RBM47: variants seen among roughly 807,000 people sequenced by gnomAD.
The protein encoded by RBM47 is RNA binding motif protein 47, also known as RNA-binding protein 47.
A neutral mutation model predicts 47.1 loss-of-function variants in RBM47; 21 were observed. The observed-to-expected ratio is 0.45, with a 90% CI of 0.32 to 0.64. The LOEUF (loss-of-function observed/expected upper bound fraction) is 0.64. RBM47 is among the 30% of genes least tolerant of loss of function. The pLI is 0.05. For synonymous variants in RBM47, 375 were observed against 361.7 expected (o/e 1.04, Z -0.42); for missense variants, 708 against 870.9 (o/e 0.81, Z 2.35).
At chr4:40,622,504 A>C (rs1272952388) in intron 1 of RBM47, among the ~76,000 whole-genome samples, 1 of 152,208 alleles carries the variant, frequency 6.6e-6, no homozygotes, top group Non-Finnish European at 1.5e-5. Context: ...CTAGAAATAA[A>C]GTCATTCACT....
At chr4:40,477,136 T>C (rs760862198) in intron 2 of RBM47, among the ~76,000 whole-genome samples, 11 of 151,862 alleles carry the variant, frequency 7.2e-5, no homozygotes, top group Admixed American at 6.6e-5. Context: ...TGAGCCAAGA[T>C]GGCGCCACTG....
chr4:40,465,225 A>G (rs1717832160), intron 3 of RBM47, among the ~76,000 whole-genome samples: 1 of 152,078 alleles, frequency 6.6e-6, no homozygotes, highest in Non-Finnish European at 1.5e-5. Flanking sequence ...TGACACACCA[A>G]TATCTACTGC....
chr4:40,610,794 C>T (rs758777296), intron 1 of RBM47, among the ~76,000 whole-genome samples: 12 of 151,950 alleles, frequency 7.9e-5, no homozygotes, highest in Non-Finnish European at 1.5e-4. Context: ...AGACTATTCT[C>T]GTGATAGTGA....
chr4:40,619,737 G>T (rs1374860897), intron 1 of RBM47, among the ~76,000 whole-genome samples: 1 of 152,140 alleles, frequency 6.6e-6, no homozygotes, highest in Admixed American at 6.5e-5. Flanking sequence ...TCACCTATGG[G>T]ATTCCCACCT....
chr4:40,581,671 C>T (rs551828167), intron 1 of RBM47, among the ~76,000 whole-genome samples: 110 of 151,938 alleles, frequency 7.2e-4, no homozygotes, highest in Non-Finnish European at 1.2e-3. Context: ...CAGAAGACAG[C>T]TCAGAAACCA....
At chr4:40,469,649 A>T (rs1347939041) in intron 2 of RBM47, among the ~76,000 whole-genome samples, 1 of 148,078 alleles carries the variant, frequency 6.8e-6, no homozygotes, top group Admixed American at 6.8e-5. Context: ...TTGTGTTTGG[A>T]GTTATTCTGG....
chr4:40,435,874 C>T lies in RBM47; in HGVS notation c.1330+567G>A, dbSNP rs114842082. Among the ~76,000 whole-genome samples the T allele has an allele frequency of 4.4e-4, 67 of 151,402 alleles. 1 individual carries two copies. Among genetic ancestry groups the T allele is most frequent in the African/African-American group, 1.5e-3 (63 of 41,266 alleles). The stretch of plus-strand genomic sequence containing the variant: ...TGACAGCCCTTTGAAAACCTTACTG[C>T]ATGGCCAGGCGCAGTGGCTCACTCC... On this transcript the variant is annotated intron_variant, in intron 5 of 6. Coordinates refer to ENST00000295971, the MANE Select transcript of RBM47 (RefSeq NM_001098634.2).
chr4:40,548,838 G>T (rs1729268946), intron 1 of RBM47, among the ~76,000 whole-genome samples: 1 of 151,638 alleles, frequency 6.6e-6, no homozygotes, highest in Non-Finnish European at 1.5e-5. Context: ...GTTAATTATT[G>T]TATTTTTAGC....
intron 1 of RBM47, among the ~76,000 whole-genome samples, chr4:40,597,170 G>T (rs1285625231): frequency 1.3e-5 from 2 of 152,044 alleles, no homozygotes; most frequent in Admixed American, 6.6e-5. Context: ...TGAGGCAGGA[G>T]AATCACTTGA....
At chr4:40,553,859 A>G (rs1223769986) in intron 1 of RBM47, among the ~76,000 whole-genome samples, 1 of 152,232 alleles carries the variant, frequency 6.6e-6, no homozygotes, top group African/African-American at 2.4e-5. Context: ...AGTGCTGAAC[A>G]GTGGTTGGCC....
chr4:40,597,270 A>AG (rs1734841898), intron 1 of RBM47, among the ~76,000 whole-genome samples: 1 of 150,604 alleles, frequency 6.6e-6, no homozygotes, highest in Admixed American at 6.6e-5. Context: ...AAAAAAAAAA[A>AG]TAGTTTTAGT....
At position 40,423,648 on chromosome 4, in the gene RBM47, TTCTTTTTCTTTCTTTC is replaced by T. The variant is rs1169015916; in HGVS notation, c.*2240_*2255del. 3 of 145,518 alleles carry T rather than the reference TTCTTTTTCTTTCTTTC, an allele frequency of 2.1e-5. No individual in the cohort carries two copies. Among genetic ancestry groups the T allele is most frequent in the Non-Finnish European group, 3.0e-5 (2 of 66,594 alleles). 9.0% of individuals were successfully genotyped at this position (145,518 alleles called of 1,614,324 possible). A position where few individuals can be genotyped will look rare whatever the true frequency, so the allele number is the denominator to read the frequency against. ...GTTATCATTTTTTTTTATTCTTTCTTTCTTTTTCTTTCTTTCTTTCTTTCTTTCTTTCTTTCTTTCT... is the reference window on the plus strand; with the variant it reads ...GTTATCATTTTTTTTTATTCTTTCTTTTTCTTTCTTTCTTTCTTTCTTTCT... On this transcript the variant is annotated 3_prime_UTR_variant, in exon 7 of 7. Coordinates refer to ENST00000295971, the MANE Select transcript of RBM47 (RefSeq NM_001098634.2).
At chr4:40,609,380 T>C (rs1037119355) in intron 1 of RBM47, among the ~76,000 whole-genome samples, 2 of 151,254 alleles carry the variant, frequency 1.3e-5, no homozygotes, top group South Asian at 2.1e-4. Flanking sequence ...TGCCACAATC[T>C]TGGCTCACGG....
chr4:40,616,413 CATTTT>C (rs1736738331), intron 1 of RBM47, among the ~76,000 whole-genome samples: 1 of 150,140 alleles, frequency 6.7e-6, no homozygotes, highest in Admixed American at 6.6e-5. Context: ...AGACCAAAAT[CATTTT>C]ATTCCTATGA....
At chr4:40,608,580 C>A (rs1454676102) in intron 1 of RBM47, among the ~76,000 whole-genome samples, 12 of 152,188 alleles carry the variant, frequency 7.9e-5, no homozygotes, top group Non-Finnish European at 1.3e-4. Flanking sequence ...AAAGCCCTTT[C>A]TTTTGTCAAT....
rs370581944 is a variant in RBM47, at chr4:40,504,843, G to T, written c.-154-38144C>A. Among the ~76,000 whole-genome samples the T allele has an allele frequency of 4.1e-4, 63 of 152,186 alleles. 1 individual carries two copies. The highest frequency in any genetic ancestry group is 1.4e-3 in the African/African-American group (58 of 41,518). ...TTATTTTGGTCATGGTTTTTGTAGG[G>T]CCTAGATATAAGTCATTTGTGAGTT... is the stretch of plus-strand genomic sequence containing the variant. On this transcript the variant is annotated intron_variant, in intron 2 of 6. Coordinates refer to ENST00000295971, the MANE Select transcript of RBM47 (RefSeq NM_001098634.2).
intron 1 of RBM47, among the ~76,000 whole-genome samples, chr4:40,569,306 CA>C (rs1731444006): frequency 6.6e-6 from 1 of 151,918 alleles, no homozygotes; most frequent in Non-Finnish European, 1.5e-5. Context: ...AAAGGGCTAG[CA>C]GGCCGACAAC....
intron 2 of RBM47, among the ~76,000 whole-genome samples, chr4:40,509,399 G>A (rs958038449): frequency 1.3e-5 from 2 of 151,830 alleles, no homozygotes; most frequent in East Asian, 3.9e-4. Context: ...TTTTAAAGAG[G>A]CTCCAAAGCA....
chr4:40,518,131 C>CA (rs1352578430), intron 2 of RBM47, among the ~76,000 whole-genome samples: 2 of 148,474 alleles, frequency 1.3e-5, no homozygotes, highest in Non-Finnish European at 3.0e-5. Flanking sequence ...AATCACACCA[C>CA]AAAACAAGCA....
Sources: gnomAD v4.1 joint callset for allele counts (sites outside exome capture counted in the v4.1 genomes callset) on GRCh38, gnomAD v4.1.1 for gene constraint, MANE v1.5 for transcripts, NCBI Gene and HGNC (gene_info 2026-07-23, HGNC 2026-07-21) for gene names.